The following NRG1 variants were observed in gnomAD, a reference collection of about 807,000 sequenced individuals.
NRG1 encodes the protein pro-neuregulin-1, membrane-bound isoform.
Under a neutral mutation model 63.8 loss-of-function variants are expected in NRG1, and 18 were observed. The observed-to-expected ratio is 0.28, with a 90% CI of 0.19 to 0.42. The LOEUF is 0.42. Among genes scored for constraint, NRG1 ranks in the 10% least tolerant of loss-of-function variants. The pLI is 1.00. For synonymous variants in NRG1, 302 were observed against 301.3 expected, an observed-to-expected ratio of 1.00 and a Z score of -0.02; for missense variants, 762 against 814.7, an observed-to-expected ratio of 0.94 and a Z score of 0.79.
chr8:32,129,568 A>T (rs981694033), intron 1 of NRG1, among the ~76,000 whole-genome samples: 1 of 151,910 alleles, frequency 6.6e-6, no homozygotes, highest in African/African-American at 2.4e-5. Flanking sequence ...CAAAGACTCT[A>T]TTTCCAAATA....
intron 1 of NRG1, among the ~76,000 whole-genome samples, chr8:32,066,086 T>G (rs190803739): frequency 0.019 from 2,947 of 152,266 alleles, 49 homozygotes; most frequent in African/African-American, 0.066. Flanking sequence ...CTGGATATTA[T>G]CCCTTTGTCA....
At position 32,589,585 on chromosome 8, in the gene NRG1, G is replaced by T. The variant is rs141997182; in HGVS notation, c.101-6243G>T. ...TGTGTTGAGGCTCTTCAGATTAGCTGCACAAACGTGGAGAGTAAAGATATG... is the reference window on the plus strand; with the variant it reads ...TGTGTTGAGGCTCTTCAGATTAGCTTCACAAACGTGGAGAGTAAAGATATG... On this transcript the variant is annotated intron_variant, in intron 1 of 11. Transcript: ENST00000356819. 2.6e-3 allele frequency among the ~76,000 whole-genome samples: 393 copies of T among 152,284 alleles called. 1 individual carries two copies. The highest frequency in any genetic ancestry group is 4.9e-3 in the Admixed American group (75 of 15,292).
chr8:32,176,622 A>G (rs547273874), intron 1 of NRG1, among the ~76,000 whole-genome samples: 2 of 152,360 alleles, frequency 1.3e-5, no homozygotes, highest in South Asian at 4.1e-4. Context: ...AACTCAAACA[A>G]ATTTACAAGA....
chr8:32,340,903 C>T (rs184703160), intron 1 of NRG1, among the ~76,000 whole-genome samples: 1 of 152,316 alleles, frequency 6.6e-6, no homozygotes, highest in Admixed American at 6.5e-5. Flanking sequence ...CTGCCTGTTG[C>T]TGCTTTTGCT....
chr8:31,665,662 C>G (rs888981164), intron 1 of NRG1, among the ~76,000 whole-genome samples: 1 of 152,128 alleles, frequency 6.6e-6, no homozygotes, highest in African/African-American at 2.4e-5. Flanking sequence ...CGTAGTCAAC[C>G]TTTATGAAAG....
intron 1 of NRG1, among the ~76,000 whole-genome samples, chr8:32,203,288 G>A (rs1473899416): frequency 1.3e-5 from 2 of 148,512 alleles, no homozygotes; most frequent in African/African-American, 5.0e-5. Flanking sequence ...AAGGAAGAGA[G>A]AAAGGAATCT....
At chr8:32,039,447 C>A (rs1252078511) in intron 1 of NRG1, among the ~76,000 whole-genome samples, 1 of 152,154 alleles carries the variant, frequency 6.6e-6, no homozygotes, top group Non-Finnish European at 1.5e-5. Flanking sequence ...TAGCACACAA[C>A]TCTCAGAGAC....
chr8:32,476,168 G>T (rs73675026), intron 1 of NRG1, among the ~76,000 whole-genome samples: 144 of 152,232 alleles, frequency 9.5e-4, no homozygotes, highest in African/African-American at 3.3e-3. Context: ...AAGGAAAATT[G>T]GAGAAGATAT....
At chr8:32,551,839 A>G (rs1293141588) in intron 1 of NRG1, among the ~76,000 whole-genome samples, 1 of 150,786 alleles carries the variant, frequency 6.6e-6, no homozygotes, top group Non-Finnish European at 1.5e-5. Flanking sequence ...TGGACCTCCC[A>G]TATCCAGCCT....
At chr8:32,087,203 T>C (rs549059221) in intron 1 of NRG1, among the ~76,000 whole-genome samples, 2 of 152,252 alleles carry the variant, frequency 1.3e-5, no homozygotes, top group East Asian at 1.9e-4. Flanking sequence ...GGGAGGAGAT[T>C]GGATCGTGGG....
chr8:32,394,520 A>T (rs1014189863), intron 1 of NRG1, among the ~76,000 whole-genome samples: 8 of 152,150 alleles, frequency 5.3e-5, no homozygotes, highest in Non-Finnish European at 1.2e-4. Flanking sequence ...CTACAAAGTC[A>T]ATCTGGGGCT....
intron 5 of NRG1, among the ~76,000 whole-genome samples, chr8:32,627,944 A>T (rs1016844768): frequency 6.6e-6 from 1 of 152,236 alleles, no homozygotes; most frequent in Non-Finnish European, 1.5e-5. Context: ...ATGACAAAAT[A>T]TTTAAAATGT....
chr8:32,252,611 T>C (rs934511702), intron 1 of NRG1, among the ~76,000 whole-genome samples: 1 of 152,236 alleles, frequency 6.6e-6, no homozygotes, highest in African/African-American at 2.4e-5. Context: ...TGTAGTATAG[T>C]TTGAAGTCAG....
chr8:31,922,586 G>A (rs116161474), intron 1 of NRG1, among the ~76,000 whole-genome samples: 1,719 of 152,264 alleles, frequency 0.011, 32 homozygotes, highest in African/African-American at 0.04. Context: ...TTTATGGGTT[G>A]AGCCTTTGAC....
intron 7 of NRG1, chr8:32,743,174 T>G (rs1826751804): frequency 1.0e-6 from 1 of 986,874 alleles, no homozygotes; most frequent in East Asian, 1.1e-4. Context: ...TGATGGTAAG[T>G]TAATTTTGAT....
chr8:31,775,882 C>CAAAAAA (rs71208140), intron 1 of NRG1, among the ~76,000 whole-genome samples: 2 of 72,200 alleles, frequency 2.8e-5, no homozygotes, highest in African/African-American at 6.4e-5. Flanking sequence ...GACTCCGTCT[C>CAAAAAA]AAAAAAAAAA....
intron 5 of NRG1, among the ~76,000 whole-genome samples, chr8:32,726,941 T>C (rs1822352345): frequency 6.7e-6 from 1 of 149,074 alleles, no homozygotes. Flanking sequence ...CCTAAAAGAG[T>C]ATATAGAATC....
intron 1 of NRG1, among the ~76,000 whole-genome samples, chr8:32,205,391 A>G (rs1156252898): frequency 1.3e-5 from 2 of 152,176 alleles, no homozygotes; most frequent in South Asian, 4.1e-4. Flanking sequence ...GCAGAACTAT[A>G]TCTTGCTGAG....
Position 32,255,234 on chromosome 8 carries a change from A to T in NRG1, c.38-340594A>T, listed in dbSNP as rs567879134. On this transcript the variant is annotated intron_variant, in intron 1 of 10. Transcript: ENST00000519301. ...TATATGTGAATTTGATCCTGTCATTATGATGCTAGCTGGTTATTTTGCCTG... is the reference window on the plus strand; with the variant it reads ...TATATGTGAATTTGATCCTGTCATTTTGATGCTAGCTGGTTATTTTGCCTG... Among the ~76,000 whole-genome samples the T allele has an allele frequency of 2.0e-5, 3 of 152,304 alleles. No individual in the cohort carries two copies. In the East Asian group the frequency reaches 5.8e-4, roughly 29 times the overall value.
Sources: gnomAD v4.1 joint callset for allele counts (sites outside exome capture counted in the v4.1 genomes callset) on GRCh38, gnomAD v4.1.1 for gene constraint, MANE v1.5 for transcripts, NCBI Gene and HGNC (gene_info 2026-07-23, HGNC 2026-07-21) for gene names.